The following ABCB11 variants were observed in gnomAD, a reference collection of about 807,000 sequenced individuals.
ABCB11 encodes ATP binding cassette subfamily B member 11, also known as bile salt export pump.
ABCB11 carries 95 observed loss-of-function variants against 148.0 expected under a neutral mutation model. The ratio of observed to expected loss-of-function variants is 0.64; its 90% CI spans 0.54 to 0.76. ABCB11 has a LOEUF of 0.76. ABCB11 is among the 30% of genes least tolerant of loss of function. The pLI is 0.00. For missense variants in ABCB11, 1,523 were observed against 1,617.8 expected, an observed-to-expected ratio of 0.94 and a Z score of 1.01; for synonymous variants, 591 against 555.4, an observed-to-expected ratio of 1.06 and a Z score of -0.90.
At chr2:169,011,863 C>G (rs747036830) in intron 5 of ABCB11, among the ~76,000 whole-genome samples, 1 of 152,260 alleles carries the variant, frequency 6.6e-6, no homozygotes, top group East Asian at 1.9e-4. Context: ...CAGGGTCTCA[C>G]TATGTTGCCC....
At chr2:168,979,306 A>G (rs1420615200) in intron 11 of ABCB11, among the ~76,000 whole-genome samples, 1 of 151,530 alleles carries the variant, frequency 6.6e-6, no homozygotes, top group African/African-American at 2.4e-5. Flanking sequence ...ACCTCCTCCA[A>G]TCCTCATTTG....
intron 10 of ABCB11, 101 bp downstream of exon 10, chr2:168,986,009 T>A: frequency 1.0e-6 from 1 of 989,418 alleles, no homozygotes; most frequent in Non-Finnish European, 1.4e-6. Context: ...TTGATGCTTT[T>A]TTCCTGAAGG....
At position 168,921,453 on chromosome 2, in the gene ABCB11, C is replaced by T. The variant is rs1427735193; in HGVS notation, c.*2169G>A. ...GGTGGGAACCGTGGGTGCAGTCCTGCTCCCAAGGTTTTCATTTCTGTGACA... is the reference window on the plus strand; with the variant it reads ...GGTGGGAACCGTGGGTGCAGTCCTGTTCCCAAGGTTTTCATTTCTGTGACA... On this transcript the variant is annotated 3_prime_UTR_variant, in exon 28 of 28. Transcript: ENST00000650372. Among the ~76,000 whole-genome samples, 2 of 152,142 alleles carry T rather than the reference C, an allele frequency of 1.3e-5. No individual in the cohort carries two copies. The highest frequency in any genetic ancestry group is 2.9e-5 in the Non-Finnish European group (2 of 68,026).
At chr2:169,010,105 T>C (rs991805947) in intron 5 of ABCB11, among the ~76,000 whole-genome samples, 5 of 152,210 alleles carry the variant, frequency 3.3e-5, no homozygotes, top group African/African-American at 1.2e-4. Flanking sequence ...CACACTTGTT[T>C]AGACTCCTTC....
chr2:168,931,917 C>A (rs1691583288), intron 24 of ABCB11, among the ~76,000 whole-genome samples: 1 of 152,178 alleles, frequency 6.6e-6, no homozygotes, highest in African/African-American at 2.4e-5. Flanking sequence ...AATTTAGAAG[C>A]CAAGTGGTAT....
chr2:168,916,756 T>C (rs1690948771), downstream of ABCB11, among the ~76,000 whole-genome samples: 1 of 152,234 alleles, frequency 6.6e-6, no homozygotes, highest in African/African-American at 2.4e-5. Context: ...TACACATGTA[T>C]ATGTAAATTT....
At chr2:168,991,719 C>A (rs185719303) in intron 8 of ABCB11, among the ~76,000 whole-genome samples, 235 of 151,738 alleles carry the variant, frequency 1.5e-3, no homozygotes, top group Non-Finnish European at 2.6e-3. Flanking sequence ...AGATGGAATT[C>A]TAAGATGTAA....
intron 17 of ABCB11, among the ~76,000 whole-genome samples, chr2:168,967,780 G>C (rs968672434): frequency 6.6e-6 from 1 of 151,882 alleles, no homozygotes; most frequent in African/African-American, 2.4e-5. Flanking sequence ...CATCAGAGGA[G>C]CAGTTTTATT....
At chr2:169,006,169 C>T (rs1456477503) in intron 5 of ABCB11, among the ~76,000 whole-genome samples, 2 of 152,098 alleles carry the variant, frequency 1.3e-5, no homozygotes, top group African/African-American at 4.8e-5. Context: ...AAGTTGAATC[C>T]TGCAGCATAG....
intron 18 of ABCB11, among the ~76,000 whole-genome samples, chr2:168,958,508 T>C (rs1022700009): frequency 6.6e-6 from 1 of 151,766 alleles, no homozygotes; most frequent in African/African-American, 2.4e-5. Context: ...TTTCAATTTT[T>C]TAAAATAAAT....
At chr2:168,918,612 C>T (rs1398952830), downstream of ABCB11, among the ~76,000 whole-genome samples, 5 of 152,092 alleles carry the variant, frequency 3.3e-5, no homozygotes. Context: ...AAATGTAAGT[C>T]AACATCATTA....
intron 14 of ABCB11, chr2:168,970,471 T>A: frequency 2.1e-6 from 2 of 960,228 alleles, no homozygotes; most frequent in Middle Eastern, 2.3e-4. Flanking sequence ...TAGCTCAACT[T>A]CAAATAAGAT....
intron 5 of ABCB11, among the ~76,000 whole-genome samples, chr2:168,997,799 A>T (rs1694760940): frequency 6.6e-6 from 1 of 152,022 alleles, no homozygotes; most frequent in Non-Finnish European, 1.5e-5. Flanking sequence ...TTTATTGAAT[A>T]TATTTATATT....
intron 9 of ABCB11, among the ~76,000 whole-genome samples, chr2:168,987,129 A>C (rs926160035): frequency 1.3e-5 from 2 of 152,158 alleles, no homozygotes. Flanking sequence ...AAACCAAAAG[A>C]AGTGGGGAAA....
At chr2:169,005,491 T>C (rs1439097377) in intron 5 of ABCB11, among the ~76,000 whole-genome samples, 1 of 152,058 alleles carries the variant, frequency 6.6e-6, no homozygotes, top group African/African-American at 2.4e-5. Flanking sequence ...AGCTGGCAGT[T>C]ACAGGCCTTA....
chr2:168,957,202 A>G (rs1471216928), intron 19 of ABCB11, among the ~76,000 whole-genome samples: 1 of 151,698 alleles, frequency 6.6e-6, no homozygotes, highest in African/African-American at 2.4e-5. Flanking sequence ...CTACAGTTAC[A>G]CTGGCTGGAT....
rs1284479631 is a variant in ABCB11 at position 168,975,555 on chromosome 2, A to T, written c.1308+1022T>A. Among the ~76,000 whole-genome samples the T allele has an allele frequency of 1.4e-4, 12 of 88,476 alleles. No homozygotes were observed. In the East Asian group the frequency reaches 2.8e-3, roughly 20 times the overall value. The allele number at this position is 88,476 out of a possible 152,430, so 58.0% of individuals were successfully genotyped here. On this transcript the variant is annotated intron_variant, in intron 12 of 27. Coordinates refer to ENST00000650372, the MANE Select transcript of ABCB11 (RefSeq NM_003742.4). The stretch of plus-strand genomic sequence containing the variant: ...TTTATAGATAAATATATAAATACAT[A>T]AATATTTTTATATTTATAGATAAAT...
exon 3 of ABCB11, among the ~76,000 whole-genome samples, chr2:168,915,534 G>T (rs545803371): frequency 6.5e-4 from 99 of 152,292 alleles, no homozygotes; most frequent in Admixed American, 3.3e-4. Context: ...CAAGTGAGAG[G>T]TGTCTTTTTC....
Position 168,930,855 on chromosome 2 carries a change from A to T in ABCB11, c.3221T>A (p.Phe1074Tyr). ...YNTAGEKWDN[F>Y]QGKIDFVDCK... ...ATCAACAAAATCAATCTTCCCCTGG[A>T]AGTTGTCCTGTGGATGGGAGGATCA... Residue 1074 changes from phenylalanine (F) to tyrosine (Y), a missense_variant, in exon 25 of 28, where the codon TTC becomes TAC. Transcript: ENST00000650372. 1 of 1,596,930 alleles carries T rather than the reference A, an allele frequency of 6.3e-7. No individual in the cohort carries two copies. Among genetic ancestry groups the T allele is most frequent in the Non-Finnish European group, 8.5e-7 (1 of 1,171,930 alleles).
Sources: gnomAD v4.1 joint callset for allele counts (sites outside exome capture counted in the v4.1 genomes callset) on GRCh38, gnomAD v4.1.1 for gene constraint, MANE v1.5 for transcripts, NCBI Gene and HGNC (gene_info 2026-07-23, HGNC 2026-07-21) for gene names.